Variants in TRDN observed in about 807,000 individuals in gnomAD.
TRDN encodes triadin, also known as triadin in skeletal muscle.
TRDN carries 161 observed loss-of-function variants against 149.7 expected under a neutral mutation model. That is an observed-to-expected ratio of 1.08 (90% CI 0.95 to 1.23). The LOEUF is 1.23. Ranked by LOEUF, TRDN falls within the 50% of genes most tolerant of loss-of-function variation. The pLI is 0.00. For synonymous variants in TRDN, 294 were observed against 250.5 expected (o/e 1.17, Z -1.64); for missense variants, 896 against 823.5 (o/e 1.09, Z -1.08).
rs1206709474 is a variant in TRDN at position 123,530,470 on chromosome 6, T to C, written c.484+36A>G. The C allele has an allele frequency of 3.4e-6, 4 of 1,160,694 alleles. 1 individual carries two copies. The highest frequency in any genetic ancestry group is 4.6e-6 in the Non-Finnish European group (4 of 871,382). The allele number at this position is 1,160,694 out of a possible 1,614,324, so 71.9% of individuals were successfully genotyped here. A position where few individuals can be genotyped will look rare whatever the true frequency, so the allele number is the denominator to read the frequency against. On this transcript the variant is annotated intron_variant, in intron 5 of 40. Transcript: ENST00000334268. ...GCATATGAATACACAAAAATGTATA[T>C]CTAAATGAAGAATAAACATAAAATG...
intron 6 of TRDN, 67 bp downstream of exon 6, chr6:123,516,074 T>C (rs1386465193): frequency 1.5e-6 from 2 of 1,328,918 alleles, no homozygotes; most frequent in South Asian, 1.9e-5. Flanking sequence ...AAAATCTGAA[T>C]GTAAAGAGTA....
intron 14 of TRDN, among the ~76,000 whole-genome samples, chr6:123,385,320 C>T (rs1484680383): frequency 6.6e-6 from 1 of 150,450 alleles, no homozygotes; most frequent in Non-Finnish European, 1.5e-5. Flanking sequence ...ACCAACTACT[C>T]GGGAGACTGA....
At chr6:123,524,318 T>C (rs1395479655) in intron 5 of TRDN, among the ~76,000 whole-genome samples, 1 of 152,168 alleles carries the variant, frequency 6.6e-6, no homozygotes, top group African/African-American at 2.4e-5. Context: ...CAGGTGGGAA[T>C]TTTATAAGAA....
intron 19 of TRDN, among the ~76,000 whole-genome samples, chr6:123,370,257 A>G (rs557879555): frequency 4.2e-4 from 64 of 151,784 alleles, no homozygotes; most frequent in African/African-American, 1.5e-3. Context: ...TTATTTCCTT[A>G]TTTTTCTATA....
intron 24 of TRDN, among the ~76,000 whole-genome samples, chr6:123,294,644 A>G (rs1243115914): frequency 2.0e-5 from 3 of 152,114 alleles, no homozygotes; most frequent in African/African-American, 7.2e-5. Flanking sequence ...CAGGAAGTGT[A>G]GATCAGACAA....
chr6:123,477,827 C>T (rs1270651592), intron 9 of TRDN, among the ~76,000 whole-genome samples: 3 of 149,274 alleles, frequency 2.0e-5, no homozygotes, highest in Non-Finnish European at 3.0e-5. Context: ...CCAAACACCG[C>T]ATATTCTCAC....
At chr6:123,250,484 T>C (rs1776335456) in intron 38 of TRDN, among the ~76,000 whole-genome samples, 1 of 152,130 alleles carries the variant, frequency 6.6e-6, no homozygotes, top group African/African-American at 2.4e-5. Flanking sequence ...ATATATAGTA[T>C]GCTCTTCTTT....
intron 22 of TRDN, 120 bp from the exon 23 acceptor site, chr6:123,332,049 G>C (rs902036871): frequency 1.5e-6 from 1 of 684,556 alleles, no homozygotes; most frequent in East Asian, 2.9e-5. Context: ...ACTTTATAAT[G>C]CACTTTAAAA....
At chr6:123,498,493 A>T (rs962325543) in intron 8 of TRDN, 3 of 468,178 alleles carry the variant, frequency 6.4e-6, no homozygotes, top group African/African-American at 6.0e-5. Flanking sequence ...AAAAATTTAG[A>T]TGTATTTTAG....
intron 2 of TRDN, among the ~76,000 whole-genome samples, chr6:123,569,926 T>A (rs1158321546): frequency 3.3e-5 from 5 of 152,234 alleles, no homozygotes; most frequent in African/African-American, 1.2e-4. Context: ...CACACCTTTA[T>A]GCCAATAAAC....
At chr6:123,627,534 T>A (rs999029486) in intron 1 of TRDN, among the ~76,000 whole-genome samples, 1 of 152,172 alleles carries the variant, frequency 6.6e-6, no homozygotes. Flanking sequence ...TTATTGTAAT[T>A]CTTTAGAGCC....
chr6:123,523,296 C>T (rs1179046166), intron 5 of TRDN, among the ~76,000 whole-genome samples: 1 of 152,094 alleles, frequency 6.6e-6, no homozygotes, highest in East Asian at 1.9e-4. Context: ...TCAGGGACTA[C>T]TCAACAGCTC....
In TRDN at chr6:123,503,713, G is replaced by A. The variant is rs778566950; in HGVS notation, c.793+6C>T. 8.1e-6 allele frequency: 13 copies of A among 1,613,558 alleles called. No homozygotes were observed. The South Asian group carries it at 1.3e-4, about 16-fold the overall frequency. On this transcript the variant is annotated splice_donor_region_variant and intron_variant, in intron 8 of 40. Coordinates refer to ENST00000334268, the MANE Select transcript of TRDN (RefSeq NM_006073.4). Reference sequence around the variant, plus strand: ...CCTCCGGCAGCCTCCTGCTCTGAATGTTTACCTTTCTGTTCATGCTTTGAC... The same window carrying A: ...CCTCCGGCAGCCTCCTGCTCTGAATATTTACCTTTCTGTTCATGCTTTGAC...
At chr6:123,451,777 A>G (rs1775791430) in intron 10 of TRDN, among the ~76,000 whole-genome samples, 1 of 152,076 alleles carries the variant, frequency 6.6e-6, no homozygotes, top group Admixed American at 6.6e-5. Context: ...TACCAAAATC[A>G]GGAAAGGACA....
chr6:123,330,817 T>C (rs765197262), intron 23 of TRDN, among the ~76,000 whole-genome samples: 3 of 152,098 alleles, frequency 2.0e-5, no homozygotes, highest in Non-Finnish European at 4.4e-5. Context: ...GCATCCTTCA[T>C]TCCTCTTACT....
intron 20 of TRDN, among the ~76,000 whole-genome samples, chr6:123,355,850 C>T (rs990413013): frequency 2.0e-5 from 3 of 151,652 alleles, no homozygotes; most frequent in Admixed American, 6.6e-5. Context: ...TAATTTGTTA[C>T]ATTTATTTCA....
intron 24 of TRDN, among the ~76,000 whole-genome samples, chr6:123,291,292 C>T (rs910876541): frequency 5.3e-5 from 8 of 151,746 alleles, no homozygotes; most frequent in African/African-American, 1.9e-4. Flanking sequence ...AGGCTGGGTG[C>T]GGTGGATCAC....
chr6:123,555,503 A>G (rs1470733473), intron 2 of TRDN, among the ~76,000 whole-genome samples: 1 of 152,110 alleles, frequency 6.6e-6, no homozygotes, highest in Non-Finnish European at 1.5e-5. Context: ...TAGTACTGGA[A>G]TTACATATTT....
intron 1 of TRDN, among the ~76,000 whole-genome samples, chr6:123,587,613 G>T (rs1247074316): frequency 6.6e-6 from 1 of 151,918 alleles, no homozygotes; most frequent in Non-Finnish European, 1.5e-5. Context: ...AATTTCATGT[G>T]CGTCCGTGTG....
Sources: allele counts gnomAD v4.1 joint callset (sites outside exome capture counted in the v4.1 genomes callset), GRCh38; gene constraint gnomAD v4.1.1; transcripts MANE v1.5; gene names NCBI Gene and HGNC (gene_info 2026-07-23, HGNC 2026-07-21).